The following CPE variants were observed in gnomAD, a reference collection of about 807,000 sequenced individuals.
CPE encodes carbocypeptidase E.
Under a neutral mutation model 53.5 loss-of-function variants are expected in CPE, and 17 were observed. The observed-to-expected ratio is 0.32, with a 90% CI of 0.22 to 0.48. The LOEUF (loss-of-function observed/expected upper bound fraction) is 0.48, where lower values mean the gene tolerates loss of function less well. CPE is among the 20% of genes least tolerant of loss of function. CPE has a pLI of 0.99. For synonymous variants in CPE, 226 were observed against 228.8 expected (o/e 0.99, Z 0.11); for missense variants, 524 against 614.7 (o/e 0.85, Z 1.56).
chr4:165,496,853 G>A (rs1732712317), intron 8 of CPE, among the ~76,000 whole-genome samples: 1 of 152,228 alleles, frequency 6.6e-6, no homozygotes, highest in South Asian at 2.1e-4. Context: ...ATTAGGAAAA[G>A]ATTCAAGGCT....
intron 1 of CPE, among the ~76,000 whole-genome samples, chr4:165,456,512 C>G (rs535829348): frequency 7.0e-6 from 1 of 143,526 alleles, no homozygotes; most frequent in Non-Finnish European, 1.6e-5. Context: ...ATCTTTCTTT[C>G]TTTGTTTCTC....
chr4:165,461,424 C>G (rs781197082), intron 1 of CPE, among the ~76,000 whole-genome samples: 4 of 151,962 alleles, frequency 2.6e-5, no homozygotes, highest in Non-Finnish European at 5.9e-5. Flanking sequence ...GGTTCAAGAT[C>G]TCGTAGAGAA....
chr4:165,394,816 A>G (rs1038781032), intron 1 of CPE, among the ~76,000 whole-genome samples: 1 of 152,132 alleles, frequency 6.6e-6, no homozygotes, highest in Non-Finnish European at 1.5e-5. Context: ...TTCTCAAAGG[A>G]CTTTATTTCC....
intron 1 of CPE, among the ~76,000 whole-genome samples, chr4:165,421,963 A>G (rs1429345940): frequency 1.3e-5 from 2 of 152,186 alleles, no homozygotes; most frequent in African/African-American, 4.8e-5. Context: ...AGCTGTTCTC[A>G]GAATACTAAA....
intron 1 of CPE, among the ~76,000 whole-genome samples, chr4:165,383,485 A>C (rs1730536919): frequency 6.6e-6 from 1 of 152,216 alleles, no homozygotes; most frequent in African/African-American, 2.4e-5. Flanking sequence ...TTTGCTTAAA[A>C]CACTATTTCT....
intron 6 of CPE, among the ~76,000 whole-genome samples, chr4:165,491,082 C>G (rs915835880): frequency 6.6e-6 from 1 of 152,188 alleles, no homozygotes; most frequent in Non-Finnish European, 1.5e-5. Context: ...ATTTTTCAAA[C>G]AGAAAAGTTG....
chr4:165,459,674 T>TGGA lies in CPE; in HGVS notation c.308-4714_308-4713insAGG, dbSNP rs1553976461. Among the ~76,000 whole-genome samples, 2 of 56,660 alleles carry TGGA rather than the reference T, an allele frequency of 3.5e-5. 1 individual carries two copies. The highest frequency in any genetic ancestry group is 1.4e-4 in the African/African-American group (2 of 14,008). 37.2% of individuals were successfully genotyped at this position (56,660 alleles called of 152,430 possible). A position where few individuals can be genotyped will look rare whatever the true frequency, so the allele number is the denominator to read the frequency against. The stretch of plus-strand genomic sequence containing the variant: ...ATCCCAGCACTTTGGGAGGGCTGGG[T>TGGA]GGGGGGGGGCGGGGCAGATCATGAG... On this transcript the variant is annotated intron_variant, in intron 1 of 8. Transcript: ENST00000402744.
chr4:165,424,964 T>A (rs1731293926), intron 1 of CPE, among the ~76,000 whole-genome samples: 1 of 147,754 alleles, frequency 6.8e-6, no homozygotes, highest in Non-Finnish European at 1.5e-5. Flanking sequence ...AACCTACACC[T>A]CCCTGGTTCA....
chr4:165,458,109 C>T (rs2126696307), intron 1 of CPE, among the ~76,000 whole-genome samples: 1 of 152,304 alleles, frequency 6.6e-6, no homozygotes, highest in Admixed American at 6.5e-5. Flanking sequence ...GTTTTAACCC[C>T]AGGTTTATCA....
intron 1 of CPE, chr4:165,405,974 T>C: frequency 1.4e-6 from 1 of 738,816 alleles, no homozygotes; most frequent in East Asian, 2.6e-5. Context: ...AAATGTTCTC[T>C]GTGCTTCTTG....
chr4:165,393,776 CT>C (rs1730720265), intron 1 of CPE, among the ~76,000 whole-genome samples: 1 of 152,320 alleles, frequency 6.6e-6, no homozygotes, highest in African/African-American at 2.4e-5. Flanking sequence ...TAGAGCAGAA[CT>C]TCTTGACCTG....
At chr4:165,481,162 A>C (rs909576992) in intron 3 of CPE, among the ~76,000 whole-genome samples, 1 of 152,120 alleles carries the variant, frequency 6.6e-6, no homozygotes, top group South Asian at 2.1e-4. Flanking sequence ...AAGCTGATAC[A>C]CTAGAAACAG....
At chr4:165,391,549 C>A (rs1438904661) in intron 1 of CPE, among the ~76,000 whole-genome samples, 2 of 152,114 alleles carry the variant, frequency 1.3e-5, no homozygotes, top group Non-Finnish European at 2.9e-5. Context: ...CAAAGACATT[C>A]ATTCACCAGG....
intron 1 of CPE, among the ~76,000 whole-genome samples, chr4:165,406,582 T>C (rs1402895554): frequency 1.3e-5 from 2 of 152,218 alleles, no homozygotes; most frequent in African/African-American, 4.8e-5. Flanking sequence ...TATTACTTTG[T>C]TGCAGCTTTA....
intron 5 of CPE, 106 bp from the exon 6 acceptor site, chr4:165,487,332 C>T: frequency 1.4e-6 from 2 of 1,459,656 alleles, no homozygotes; most frequent in African/African-American, 2.8e-5. Flanking sequence ...TTCCCAAATG[C>T]CCTGGTTTGT....
chr4:165,465,610 T>C (rs1240795343), intron 2 of CPE, among the ~76,000 whole-genome samples: 9 of 152,128 alleles, frequency 5.9e-5, no homozygotes, highest in Middle Eastern at 3.4e-3. Context: ...AACAAGAAAA[T>C]TCACATTATA....
chr4:165,470,479 G>A (rs950400789), intron 3 of CPE, among the ~76,000 whole-genome samples: 1 of 152,072 alleles, frequency 6.6e-6, no homozygotes, highest in Non-Finnish European at 1.5e-5. Context: ...GTGCCATTTT[G>A]CCTCTTAGTA....
intron 1 of CPE, among the ~76,000 whole-genome samples, chr4:165,384,610 T>G (rs948736056): frequency 3.6e-4 from 55 of 152,170 alleles, no homozygotes; most frequent in African/African-American, 1.3e-3. Flanking sequence ...AGCGAGACCC[T>G]ATCTCAGAAA....
At chr4:165,393,804 A>G (rs1030532290) in intron 1 of CPE, among the ~76,000 whole-genome samples, 7 of 152,302 alleles carry the variant, frequency 4.6e-5, no homozygotes, top group African/African-American at 1.7e-4. Context: ...GTAAATGGCT[A>G]TGGGTGTGCC....
Sources: allele counts gnomAD v4.1 joint callset (sites outside exome capture counted in the v4.1 genomes callset), GRCh38; gene constraint gnomAD v4.1.1; transcripts MANE v1.5; gene names NCBI Gene and HGNC (gene_info 2026-07-23, HGNC 2026-07-21).